The following NETO2 variants were observed in gnomAD, a reference collection of about 807,000 sequenced individuals.
NETO2 encodes the protein neuropilin and tolloid-like protein 2.
NETO2 carries 28 observed loss-of-function variants against 62.5 expected under a neutral mutation model. The ratio of observed to expected loss-of-function variants is 0.45; its 90% confidence interval spans 0.33 to 0.61. NETO2 has a LOEUF of 0.61. Among genes scored for constraint, NETO2 ranks in the 20% least tolerant of loss-of-function variants. The probability of loss-of-function intolerance (pLI) is 0.02; values close to 1 mark genes in which losing one functional copy is unlikely to be tolerated. For synonymous variants in NETO2, 214 were observed against 219.1 expected (o/e 0.98, Z 0.21); for missense variants, 548 against 643.2 (o/e 0.85, Z 1.60).
chr16:47,110,234 A>G (rs1410542163), intron 6 of NETO2, among the ~76,000 whole-genome samples: 2 of 152,224 alleles, frequency 1.3e-5, no homozygotes, highest in African/African-American at 4.8e-5. Flanking sequence ...TTATTTACAC[A>G]ATATCCTACT....
At chr16:47,139,490 C>A (rs1439407017) in intron 1 of NETO2, among the ~76,000 whole-genome samples, 3 of 152,158 alleles carry the variant, frequency 2.0e-5, no homozygotes, top group Non-Finnish European at 2.9e-5. Flanking sequence ...AAACATAAAG[C>A]TTTTAAAATC....
chr16:47,112,207 C>T (rs1011305933), intron 6 of NETO2, among the ~76,000 whole-genome samples: 4 of 151,804 alleles, frequency 2.6e-5, no homozygotes, highest in Non-Finnish European at 4.4e-5. Context: ...CATGGGCCAC[C>T]GTGACTGGCT....
intron 1 of NETO2, among the ~76,000 whole-genome samples, chr16:47,142,526 G>T (rs1964480938): frequency 6.6e-6 from 1 of 152,152 alleles, no homozygotes; most frequent in South Asian, 2.1e-4. Flanking sequence ...ACAGTGCTGA[G>T]TTATACATAA....
In NETO2 at chr16:47,122,654, T is replaced by C; in HGVS notation, c.654+3A>G. The C allele has an allele frequency of 1.2e-6, 2 of 1,613,380 alleles. No individual in the cohort carries two copies. The highest frequency in any genetic ancestry group is 1.1e-5 in the South Asian group (1 of 90,886). On this transcript the variant is annotated splice_donor_region_variant and intron_variant, in intron 6 of 8. Transcript: ENST00000562435. Reference sequence around the variant, plus strand: ...TCTGAAGCGACTCAATACATAATAATACCTTAGCTTTTGGAGTGGCTTTAA... The same window carrying C: ...TCTGAAGCGACTCAATACATAATAACACCTTAGCTTTTGGAGTGGCTTTAA...
At chr16:47,093,267 C>A (rs894777395) in intron 7 of NETO2, among the ~76,000 whole-genome samples, 2 of 152,170 alleles carry the variant, frequency 1.3e-5, no homozygotes, top group African/African-American at 2.4e-5. Context: ...ATGCTTTGCT[C>A]ATTATTGCTT....
intron 6 of NETO2, among the ~76,000 whole-genome samples, chr16:47,114,439 C>T (rs1170860431): frequency 0.097 from 3,328 of 34,328 alleles, no homozygotes; most frequent in Middle Eastern, 0.14. Context: ...TTATAAATTT[C>T]TTTTTTTTTT....
In NETO2 at chr16:47,129,837, A is replaced by C. The variant is rs1448584458; in HGVS notation, c.92-473T>G. Among the ~76,000 whole-genome samples, 4 of 152,370 alleles carry C rather than the reference A, an allele frequency of 2.6e-5. No individual in the cohort carries two copies. In the East Asian group the frequency reaches 7.7e-4, roughly 29 times the overall value. On this transcript the variant is annotated intron_variant, in intron 2 of 8. Coordinates refer to ENST00000562435, the MANE Select transcript of NETO2 (RefSeq NM_018092.5). The stretch of plus-strand genomic sequence containing the variant: ...CTCCTTCCTCAAACTCCACTTAAAC[A>C]GCAATAAAAGGATTTTTAAAAGGGT...
chr16:47,117,649 T>C (rs1963949545), intron 6 of NETO2, among the ~76,000 whole-genome samples: 1 of 152,212 alleles, frequency 6.6e-6, no homozygotes, highest in East Asian at 1.9e-4. Context: ...CAGTGATTAT[T>C]TGTTAAAAAT....
At position 47,081,747 on chromosome 16, in the gene NETO2, C is replaced by T. The variant is rs1312576889; in HGVS notation, c.*1474G>A. 1.3e-5 allele frequency: 2 copies of T among 152,350 alleles called. No individual in the cohort carries two copies. Among genetic ancestry groups the T allele is most frequent in the African/African-American group, 2.4e-5 (1 of 41,424 alleles). The allele number at this position is 152,350 out of a possible 1,614,324, so 9.4% of individuals were successfully genotyped here. ...ATAAATGAGTTCCTTTCCATACATA[C>T]CTTAAGATCCACAACCTTGGTGGCA... On this transcript the variant is annotated 3_prime_UTR_variant, in exon 9 of 9. Coordinates refer to ENST00000562435, the MANE Select transcript of NETO2 (RefSeq NM_018092.5).
intron 7 of NETO2, among the ~76,000 whole-genome samples, chr16:47,104,662 C>T (rs1596716637): frequency 6.6e-6 from 1 of 152,234 alleles, no homozygotes; most frequent in East Asian, 1.9e-4. Context: ...ACAGTTGCTA[C>T]TGGCATAACA....
At chr16:47,121,259 C>T (rs1454616485) in intron 6 of NETO2, among the ~76,000 whole-genome samples, 2 of 152,234 alleles carry the variant, frequency 1.3e-5, no homozygotes, top group South Asian at 2.1e-4. Context: ...TCGGTGAACT[C>T]GTACCCATGG....
intron 6 of NETO2, among the ~76,000 whole-genome samples, chr16:47,121,175 C>G (rs1745587901): frequency 6.6e-6 from 1 of 152,166 alleles, no homozygotes; most frequent in Non-Finnish European, 1.5e-5. Context: ...TTTCTCATCT[C>G]TGTTTCCTTC....
At chr16:47,113,458 A>G (rs568190402) in intron 6 of NETO2, among the ~76,000 whole-genome samples, 1 of 152,236 alleles carries the variant, frequency 6.6e-6, no homozygotes, top group Non-Finnish European at 1.5e-5. Context: ...GAAATCACAC[A>G]GCATGTATCC....
intron 7 of NETO2, among the ~76,000 whole-genome samples, chr16:47,095,119 T>A (rs1461410312): frequency 1.3e-5 from 2 of 152,230 alleles, no homozygotes; most frequent in South Asian, 4.1e-4. Context: ...ACTTCCCACA[T>A]GCTTACCAAA....
intron 6 of NETO2, among the ~76,000 whole-genome samples, chr16:47,110,562 C>G: frequency 6.6e-6 from 1 of 152,122 alleles, no homozygotes; most frequent in East Asian, 1.9e-4. Context: ...AATGTGCGTC[C>G]TTCTCATTCC....
At position 47,143,677 on chromosome 16, in the gene NETO2, G is replaced by C; in HGVS notation, c.-65C>G. The C allele has an allele frequency of 1.6e-6, 2 of 1,215,602 alleles. No homozygotes were observed. Among genetic ancestry groups the C allele is most frequent in the Non-Finnish European group, 2.0e-6 (2 of 976,620 alleles). 75.3% of individuals were successfully genotyped at this position (1,215,602 alleles called of 1,614,324 possible). A position where few individuals can be genotyped will look rare whatever the true frequency, so the allele number is the denominator to read the frequency against. ...GCGGCGGCGGTGGCTCGGCGCTCAC[G>C]GCTCGGCGCGGCGGCGACGGCCCCA... is the stretch of plus-strand genomic sequence containing the variant. On this transcript the variant is annotated 5_prime_UTR_variant, in exon 1 of 9. Coordinates refer to ENST00000562435, the MANE Select transcript of NETO2 (RefSeq NM_018092.5).
At chr16:47,110,588 T>C (rs1294391381) in intron 6 of NETO2, among the ~76,000 whole-genome samples, 2 of 152,200 alleles carry the variant, frequency 1.3e-5, no homozygotes, top group Non-Finnish European at 2.9e-5. Flanking sequence ...GCGCTTTACA[T>C]ACTCACACAG....
chr16:47,079,784 T>A lies in NETO2; in HGVS notation c.*3437A>T, dbSNP rs1010607145. 6.6e-6 allele frequency: 1 copy of A among 152,238 alleles called. No homozygotes were observed. The highest frequency in any genetic ancestry group is 1.5e-5 in the Non-Finnish European group (1 of 68,054). The allele number at this position is 152,238 out of a possible 1,614,324, so 9.4% of individuals were successfully genotyped here. Reference sequence around the variant, plus strand: ...TCAAGGCATATTATTTTTAATGTCATATAATTCATGTCACTTGCAATAAAG... The same window carrying A: ...TCAAGGCATATTATTTTTAATGTCAAATAATTCATGTCACTTGCAATAAAG... On this transcript the variant is annotated 3_prime_UTR_variant, in exon 9 of 9. Transcript: ENST00000562435.
In NETO2 at chr16:47,128,415, T is replaced by A; in HGVS notation, c.391A>T (p.Arg131Ter). The A allele has an allele frequency of 6.2e-7, 1 of 1,614,116 alleles. No homozygotes were observed. The highest frequency in any genetic ancestry group is 8.5e-7 in the Non-Finnish European group (1 of 1,180,000). ...ATCCACATGAATCTCCCTGTTGATCTAATTAATGGAGGGCTTTTCACGCCA... is the reference window on the plus strand; with the variant it reads ...ATCCACATGAATCTCCCTGTTGATCAAATTAATGGAGGGCTTTTCACGCCA... Reference protein sequence around the residue: ...YCGVKSPPLIRSTGRFMWIKF... With the variant: ...YCGVKSPPLI The change falls in exon 4 of 9, where the codon AGA becomes TGA. Residue 131 changes from arginine to a stop codon, truncating the protein, a stop_gained. Transcript: ENST00000562435. LOFTEE classifies it high-confidence loss of function.
Sources: gnomAD v4.1 joint callset for allele counts (sites outside exome capture counted in the v4.1 genomes callset) on GRCh38, gnomAD v4.1.1 for gene constraint, MANE v1.5 for transcripts, NCBI Gene and HGNC (gene_info 2026-07-23, HGNC 2026-07-21) for gene names.